Variants in LRRC2 observed in about 807,000 individuals in gnomAD.
LRRC2 encodes the protein leucine-rich repeat-containing protein 2.
In LRRC2, 27 loss-of-function variants were observed where a neutral mutation model predicts 40.2. That is an observed-to-expected ratio of 0.67 (90% CI 0.49 to 0.93). The LOEUF (loss-of-function observed/expected upper bound fraction) is 0.93. Ranked by LOEUF, LRRC2 falls within the 40% of genes least tolerant of loss-of-function variation. The pLI, the probability that LRRC2 is intolerant of heterozygous loss-of-function variation, is 0.00. For missense variants in LRRC2, 402 were observed against 439.6 expected, an observed-to-expected ratio of 0.91 and a Z score of 0.76; for synonymous variants, 147 against 158.9, an observed-to-expected ratio of 0.92 and a Z score of 0.56.
chr3:46,544,817 C>G (rs1285739168), intron 3 of LRRC2, among the ~76,000 whole-genome samples: 1 of 152,150 alleles, frequency 6.6e-6, no homozygotes, highest in Admixed American at 6.6e-5. Context: ...AGGAACGCAT[C>G]CTGAAAGACT....
At chr3:46,546,410 G>A (rs1431094296) in intron 2 of LRRC2, among the ~76,000 whole-genome samples, 3 of 152,190 alleles carry the variant, frequency 2.0e-5, no homozygotes, top group Admixed American at 6.5e-5. Context: ...TCTAGGACTG[G>A]GCATGCGGGA....
chr3:46,541,773 C>A (rs1704397898), intron 3 of LRRC2, among the ~76,000 whole-genome samples: 1 of 152,136 alleles, frequency 6.6e-6, no homozygotes, highest in African/African-American at 2.4e-5. Flanking sequence ...CCCATCCATG[C>A]CACACAGCAA....
At chr3:46,557,116 G>T (rs2107052392) in intron 1 of LRRC2, among the ~76,000 whole-genome samples, 1 of 152,284 alleles carries the variant, frequency 6.6e-6, no homozygotes, top group African/African-American at 2.4e-5. Context: ...TGCCAAGATG[G>T]CCTGAAGTAA....
chr3:46,540,876 G>A (rs748757050), intron 3 of LRRC2, among the ~76,000 whole-genome samples: 16 of 152,096 alleles, frequency 1.1e-4, no homozygotes, highest in Admixed American at 5.9e-4. Flanking sequence ...AAATGAGTTG[G>A]GTCATCAGGG....
chr3:46,557,542 C>T (rs1704834212), intron 1 of LRRC2: 1 of 152,242 alleles, frequency 6.6e-6, no homozygotes, highest in Admixed American at 6.5e-5. Context: ...CCTATGCCAT[C>T]TCCATTACGT....
chr3:46,541,538 C>T (rs1704391979), intron 3 of LRRC2, among the ~76,000 whole-genome samples: 1 of 152,098 alleles, frequency 6.6e-6, no homozygotes, highest in Non-Finnish European at 1.5e-5. Context: ...GAGACATCAG[C>T]TGCAAAATGT....
intron 3 of LRRC2, among the ~76,000 whole-genome samples, chr3:46,542,134 A>C (rs1447094473): frequency 1.3e-5 from 2 of 152,114 alleles, no homozygotes; most frequent in Non-Finnish European, 2.9e-5. Flanking sequence ...GCTCTGGACA[A>C]CCCAGTGTCT....
intron 6 of LRRC2, among the ~76,000 whole-genome samples, chr3:46,528,816 T>TA (rs1345697087): frequency 6.6e-6 from 1 of 152,196 alleles, no homozygotes; most frequent in Non-Finnish European, 1.5e-5. Flanking sequence ...TGTTTCTTTA[T>TA]AAAAAAGATT....
Position 46,515,951 on chromosome 3 carries a change from T to A in LRRC2, c.*3063A>T, listed in dbSNP as rs1703853017. 2 of 118,472 alleles carry A rather than the reference T, an allele frequency of 1.7e-5. No individual in the cohort carries two copies. Among genetic ancestry groups the A allele is most frequent in the East Asian group, 2.7e-4 (1 of 3,696 alleles). 7.3% of individuals were successfully genotyped at this position (118,472 alleles called of 1,614,324 possible). A position where few individuals can be genotyped will look rare whatever the true frequency, so the allele number is the denominator to read the frequency against. On this transcript the variant is annotated 3_prime_UTR_variant, in exon 9 of 9. Transcript: ENST00000395905. Reference sequence around the variant, plus strand: ...TTTTCCTACTCTTTTCATCTCTCTCTCTTTTTTTTTTTTTTTTTTTTTTTT... The same window carrying A: ...TTTTCCTACTCTTTTCATCTCTCTCACTTTTTTTTTTTTTTTTTTTTTTTT...
Position 46,539,166 on chromosome 3 carries a change from C to A in LRRC2, c.369G>T (p.Leu123=). 3 of 1,613,962 alleles carry A rather than the reference C, an allele frequency of 1.9e-6. No individual in the cohort carries two copies. The highest frequency in any genetic ancestry group is 2.5e-6 in the Non-Finnish European group (3 of 1,179,930). ...AGGTATTGCTTATGTACCATTCTCTCAGGTGTGTCTGCTCCTTCAATGAAT... is the reference window on the plus strand; with the variant it reads ...AGGTATTGCTTATGTACCATTCTCTAAGGTGTGTCTGCTCCTTCAATGAAT... ...LPDSLKEQTH[L]REWYISNTLI... is the part of the protein sequence containing the mutation. The change falls in exon 4 of 9, where the codon CTG becomes CTT. Residue 123 remains leucine (L), a synonymous_variant. Coordinates refer to ENST00000395905, the MANE Select transcript of LRRC2 (RefSeq NM_024512.5).
At chr3:46,565,870 C>A (rs988954162) in intron 1 of LRRC2, among the ~76,000 whole-genome samples, 5 of 152,234 alleles carry the variant, frequency 3.3e-5, no homozygotes, top group African/African-American at 1.2e-4. Flanking sequence ...CGGAGCAGTA[C>A]GCGCAGGGGA....
chr3:46,555,893 G>A, intron 1 of LRRC2, among the ~76,000 whole-genome samples: 1 of 152,062 alleles, frequency 6.6e-6, no homozygotes, highest in East Asian at 1.9e-4. Context: ...GACATATTCT[G>A]GTTTCCTTCA....
At chr3:46,529,073 C>A (rs1034290779) in intron 6 of LRRC2, among the ~76,000 whole-genome samples, 1 of 151,472 alleles carries the variant, frequency 6.6e-6, no homozygotes, top group Non-Finnish European at 1.5e-5. Context: ...GCCATGACTG[C>A]ACTACTGCAC....
chr3:46,561,973 A>T (rs1704955347), intron 1 of LRRC2, among the ~76,000 whole-genome samples: 1 of 152,218 alleles, frequency 6.6e-6, no homozygotes, highest in Admixed American at 6.5e-5. Context: ...GGACAATAAA[A>T]TGTAAAATAT....
At chr3:46,529,442 T>C (rs1157801257) in intron 6 of LRRC2, among the ~76,000 whole-genome samples, 3 of 152,198 alleles carry the variant, frequency 2.0e-5, no homozygotes, top group African/African-American at 7.2e-5. Context: ...AATATGTACA[T>C]TTTTAATTTG....
chr3:46,550,897 C>T (rs1171737245), intron 2 of LRRC2, among the ~76,000 whole-genome samples: 1 of 152,200 alleles, frequency 6.6e-6, no homozygotes, highest in Non-Finnish European at 1.5e-5. Flanking sequence ...TATGCAAAGC[C>T]ATCTTCAACC....
chr3:46,561,111 G>T (rs1184163558), intron 1 of LRRC2, among the ~76,000 whole-genome samples: 1 of 152,144 alleles, frequency 6.6e-6, no homozygotes, highest in Non-Finnish European at 1.5e-5. Flanking sequence ...CCTCTGGCGA[G>T]CCTCTCCCTG....
chr3:46,546,962 G>C, intron 2 of LRRC2, among the ~76,000 whole-genome samples: 1 of 152,056 alleles, frequency 6.6e-6, no homozygotes, highest in East Asian at 1.9e-4. Flanking sequence ...CACTGGTCTG[G>C]CTTTGAAAGG....
At chr3:46,564,547 T>C (rs1254826318) in intron 1 of LRRC2, among the ~76,000 whole-genome samples, 1 of 151,602 alleles carries the variant, frequency 6.6e-6, no homozygotes, top group Non-Finnish European at 1.5e-5. Context: ...CTGGGGGAGT[T>C]TGGGAGGAGA....
Sources: allele counts gnomAD v4.1 joint callset (sites outside exome capture counted in the v4.1 genomes callset), GRCh38; gene constraint gnomAD v4.1.1; transcripts MANE v1.5; gene names NCBI Gene and HGNC (gene_info 2026-07-23, HGNC 2026-07-21).